Variants in SGCD observed in about 807,000 individuals in gnomAD.
SGCD encodes sarcoglycan delta, also known as delta-sarcoglycan.
A neutral mutation model predicts 36.6 loss-of-function variants in SGCD; 18 were observed. That is an observed-to-expected ratio of 0.49 (90% CI 0.34 to 0.73). SGCD has a LOEUF of 0.73. Ranked by LOEUF, SGCD falls within the 30% of genes least tolerant of loss-of-function variation. SGCD has a pLI of 0.01. For missense variants in SGCD, 387 were observed against 346.7 expected, an observed-to-expected ratio of 1.12 and a Z score of -0.92; for synonymous variants, 133 against 130.6, an observed-to-expected ratio of 1.02 and a Z score of -0.12.
intron 1 of SGCD, among the ~76,000 whole-genome samples, chr5:155,926,551 A>G (rs561855249): frequency 1.6e-4 from 24 of 152,350 alleles, no homozygotes; most frequent in African/African-American, 5.5e-4. Context: ...AACAATTTAA[A>G]TTAAAGATAT....
chr5:155,915,724 A>C (rs1261883579), intron 1 of SGCD, among the ~76,000 whole-genome samples: 2 of 152,350 alleles, frequency 1.3e-5, no homozygotes, highest in Admixed American at 6.5e-5. Context: ...TCATTACCGA[A>C]GAAGTTCAAA....
intron 1 of SGCD, among the ~76,000 whole-genome samples, chr5:156,008,455 A>G (rs1758795674): frequency 6.6e-6 from 1 of 152,046 alleles, no homozygotes; most frequent in African/African-American, 2.4e-5. Flanking sequence ...GGCTCACTGC[A>G]GCCTCAAACT....
chr5:155,968,080 G>A (rs1757937443), intron 1 of SGCD, among the ~76,000 whole-genome samples: 1 of 152,072 alleles, frequency 6.6e-6, no homozygotes, highest in Non-Finnish European at 1.5e-5. Flanking sequence ...GGGATGATGT[G>A]TTGGTCATTT....
intron 4 of SGCD, among the ~76,000 whole-genome samples, chr5:156,548,272 TC>T (rs1012733007): frequency 4.6e-5 from 7 of 152,278 alleles, no homozygotes; most frequent in Admixed American, 4.6e-4. Context: ...AAGTCGAATG[TC>T]CCCTTACCAA....
At position 156,423,418 on chromosome 5, in the gene SGCD, A is replaced by T. The variant is rs1289617561; in HGVS notation, c.192+78741A>T. ...ATATTTTATTATAATATAATATATT[A>T]TATTTTAATAAAATATAATATATTT... On this transcript the variant is annotated intron_variant, in intron 3 of 8. Coordinates refer to ENST00000337851, the MANE Select transcript of SGCD (RefSeq NM_000337.6). Among the ~76,000 whole-genome samples the T allele has an allele frequency of 4.8e-3, 373 of 77,788 alleles. 14 individuals are homozygous for T. Among genetic ancestry groups the T allele is most frequent in the Admixed American group, 7.9e-3 (42 of 5,314 alleles). The allele number at this position is 77,788 out of a possible 152,430, so 51.0% of individuals were successfully genotyped here.
chr5:156,036,026 C>T (rs1221731784), intron 1 of SGCD, among the ~76,000 whole-genome samples: 1 of 152,174 alleles, frequency 6.6e-6, no homozygotes, highest in Non-Finnish European at 1.5e-5. Context: ...TATATTATCT[C>T]ATCTAAATCC....
intron 4 of SGCD, among the ~76,000 whole-genome samples, chr5:156,583,335 G>A (rs1167426809): frequency 6.6e-6 from 1 of 152,098 alleles, no homozygotes; most frequent in East Asian, 1.9e-4. Flanking sequence ...GTAAATGGCT[G>A]TTGCCTCTCC....
rs143203965 is a variant in SGCD at position 156,369,705 on chromosome 5, G to T, written c.192+25028G>T. Among the ~76,000 whole-genome samples the T allele has an allele frequency of 7.6e-4, 115 of 152,258 alleles. 1 individual carries two copies. In the East Asian group the frequency reaches 0.021, roughly 28 times the overall value. On this transcript the variant is annotated intron_variant, in intron 3 of 8. Transcript: ENST00000337851. ...GAGTTAGATTTTAAATCTAAATTTAGCTCTTCTGCTTTGCAAACTCCGGAC... is the reference window on the plus strand; with the variant it reads ...GAGTTAGATTTTAAATCTAAATTTATCTCTTCTGCTTTGCAAACTCCGGAC...
At chr5:156,568,664 G>A (rs559637614) in intron 4 of SGCD, among the ~76,000 whole-genome samples, 7 of 152,344 alleles carry the variant, frequency 4.6e-5, no homozygotes, top group African/African-American at 1.4e-4. Context: ...CACTTGTACA[G>A]TGGGCTAACA....
chr5:156,406,018 T>TAAAGA (rs1772381172), intron 3 of SGCD, among the ~76,000 whole-genome samples: 1 of 103,984 alleles, frequency 9.6e-6, no homozygotes, highest in Non-Finnish European at 1.8e-5. Flanking sequence ...TATCTTTGCT[T>TAAAGA]AAAAAAAAAA....
intron 3 of SGCD, among the ~76,000 whole-genome samples, chr5:156,505,080 A>C (rs1177109421): frequency 6.6e-6 from 1 of 152,232 alleles, no homozygotes; most frequent in Non-Finnish European, 1.5e-5. Context: ...CTCTCCAGCT[A>C]TCAGAAATGA....
intron 3 of SGCD, among the ~76,000 whole-genome samples, chr5:156,426,778 T>C (rs10039148): frequency 0.026 from 3,880 of 151,698 alleles, 183 homozygotes; most frequent in African/African-American, 0.088. Flanking sequence ...CTTCTACTTG[T>C]GGCTTGTTAG....
chr5:156,697,009 G>GCTATT (rs1156863927), intron 7 of SGCD, among the ~76,000 whole-genome samples: 2 of 150,396 alleles, frequency 1.3e-5, no homozygotes, highest in African/African-American at 4.9e-5. Flanking sequence ...TGAGTGTCTG[G>GCTATT]CTATTCTCTG....
intron 6 of SGCD, among the ~76,000 whole-genome samples, chr5:156,603,160 A>C (rs548135417): frequency 1.3e-5 from 2 of 152,158 alleles, no homozygotes; most frequent in South Asian, 2.1e-4. Flanking sequence ...CTCATAATCC[A>C]ATCTTGTTAG....
At chr5:155,880,486 ATACT>A in intron 1 of SGCD, among the ~76,000 whole-genome samples, 1 of 152,250 alleles carries the variant, frequency 6.6e-6, no homozygotes, top group East Asian at 1.9e-4. Flanking sequence ...ATTCACTTGG[ATACT>A]TTAACATACA....
chr5:156,762,507 TTG>T lies in SGCD; in HGVS notation c.*3118_*3119del, dbSNP rs2113200134. On this transcript the variant is annotated 3_prime_UTR_variant, in exon 9 of 9. Transcript: ENST00000337851. ...CCCAAGGGATAAACTTGAACTGGCT[TTG>T]AACATCCTTTAGGTCATTTTCTCTT... is the stretch of plus-strand genomic sequence containing the variant. The T allele has an allele frequency of 6.5e-6, 1 of 152,746 alleles. No homozygotes were observed. Among genetic ancestry groups the T allele is most frequent in the East Asian group, 1.9e-4 (1 of 5,190 alleles). 9.5% of individuals were successfully genotyped at this position (152,746 alleles called of 1,614,324 possible). A position where few individuals can be genotyped will look rare whatever the true frequency, so the allele number is the denominator to read the frequency against.
At chr5:156,167,224 T>C (rs957454165) in intron 3 of SGCD, among the ~76,000 whole-genome samples, 64 of 152,324 alleles carry the variant, frequency 4.2e-4, no homozygotes, top group African/African-American at 1.5e-3. Context: ...CCTGTCATTC[T>C]TCCTTCAGTA....
chr5:155,995,985 C>A (rs1758532421), intron 1 of SGCD, among the ~76,000 whole-genome samples: 3 of 85,026 alleles, frequency 3.5e-5, no homozygotes, highest in African/African-American at 1.2e-4. Context: ...TCAGACCACA[C>A]CAAAAAAAAA....
chr5:156,587,838 T>C (rs1445504688), intron 4 of SGCD, among the ~76,000 whole-genome samples: 1 of 151,812 alleles, frequency 6.6e-6, no homozygotes, highest in African/African-American at 2.4e-5. Context: ...CCCCCAAACA[T>C]CTCATAGCTC....
Sources: gnomAD v4.1 joint callset for allele counts (sites outside exome capture counted in the v4.1 genomes callset) on GRCh38, gnomAD v4.1.1 for gene constraint, MANE v1.5 for transcripts, NCBI Gene and HGNC (gene_info 2026-07-23, HGNC 2026-07-21) for gene names.